The following PIK3CB variants were observed in gnomAD, a reference collection of about 807,000 sequenced individuals.
PIK3CB encodes phosphatidylinositol-4,5-bisphosphate 3-kinase catalytic subunit beta.
PIK3CB carries 39 observed loss-of-function variants against 136.8 expected under a neutral mutation model. That is an observed-to-expected ratio of 0.29 (90% CI 0.22 to 0.37). The LOEUF is 0.37. Ranked by LOEUF, PIK3CB falls within the 10% of genes least tolerant of loss-of-function variation. PIK3CB has a pLI of 1.00. For missense variants in PIK3CB, 868 were observed against 1,275.4 expected, an observed-to-expected ratio of 0.68 and a Z score of 4.87; for synonymous variants, 428 against 436.6, an observed-to-expected ratio of 0.98 and a Z score of 0.25.
chr3:138,805,031 A>T lies in PIK3CB; in HGVS notation c.-121-8464T>A, dbSNP rs568594371. Among the ~76,000 whole-genome samples the T allele has an allele frequency of 2.0e-5, 3 of 150,212 alleles. No homozygotes were observed. In the South Asian group the frequency reaches 6.4e-4, roughly 32 times the overall value. ...CACAGCGAGACTCCATCTCAAAAAA[A>T]GAAAAAAAACCCTCAGTATTTGGCC... is the stretch of plus-strand genomic sequence containing the variant. On this transcript the variant is annotated intron_variant, in intron 1 of 23. Coordinates refer to ENST00000674063, the MANE Select transcript of PIK3CB (RefSeq NM_006219.3).
intron 8 of PIK3CB, among the ~76,000 whole-genome samples, chr3:138,729,381 G>A (rs962637454): frequency 6.6e-6 from 1 of 152,132 alleles, no homozygotes; most frequent in Non-Finnish European, 1.5e-5. Context: ...TTTTCTGGGT[G>A]TTACTAATGA....
At chr3:138,780,446 T>G (rs982015676) in intron 2 of PIK3CB, among the ~76,000 whole-genome samples, 11 of 151,912 alleles carry the variant, frequency 7.2e-5, no homozygotes, top group African/African-American at 2.4e-4. Context: ...AATTTTTGTA[T>G]TTTTAGTACA....
intron 8 of PIK3CB, among the ~76,000 whole-genome samples, chr3:138,719,373 G>A (rs1027017714): frequency 1.3e-5 from 2 of 149,796 alleles, no homozygotes; most frequent in Non-Finnish European, 3.0e-5. Flanking sequence ...AGCCTCCCAA[G>A]TAGCTGGGAT....
intron 2 of PIK3CB, among the ~76,000 whole-genome samples, chr3:138,781,773 A>G (rs906742999): frequency 2.0e-5 from 3 of 152,102 alleles, no homozygotes; most frequent in African/African-American, 7.2e-5. Flanking sequence ...TTTTTTAATT[A>G]GCCAGGTGAG....
At chr3:138,693,940 T>A (rs868204372) in intron 14 of PIK3CB, among the ~76,000 whole-genome samples, 462 of 29,608 alleles carry the variant, frequency 0.016, 9 homozygotes, top group African/African-American at 0.087. Context: ...GCTTAAAATA[T>A]ATATATATAT....
In PIK3CB at chr3:138,707,255, A is replaced by G. The variant is rs533004036; in HGVS notation, c.1434T>C (p.Thr478=). The part of the protein sequence containing the change: ...ELEEMLNPMG[T]VQTNPYTENA... Reference sequence around the variant, plus strand: ...TTTCAGTATATGGATTTGTTTGAACAGTTCCCATTGGATTCAACATTTCTT... The same window carrying G: ...TTTCAGTATATGGATTTGTTTGAACGGTTCCCATTGGATTCAACATTTCTT... Residue 478 remains threonine, a synonymous_variant, in exon 11 of 24, where the codon ACT becomes ACC. Transcript: ENST00000674063. 7 of 1,610,110 alleles carry G rather than the reference A, an allele frequency of 4.3e-6. No homozygotes were observed. Among genetic ancestry groups the G allele is most frequent in the South Asian group, 1.1e-5 (1 of 90,210 alleles).
chr3:138,830,903 AAATAATAATAATAATAAT>A lies in PIK3CB; in HGVS notation c.-122+3774_-122+3791del, dbSNP rs373908245. On this transcript the variant is annotated intron_variant, in intron 1 of 23. Coordinates refer to ENST00000674063, the MANE Select transcript of PIK3CB (RefSeq NM_006219.3). Reference sequence around the variant, plus strand: ...GGCAACAGAGCGAAACTCCGTCTCAAAATAATAATAATAATAATAATAATAATAATAATAATAATAATA... The same window carrying A: ...GGCAACAGAGCGAAACTCCGTCTCAAAATAATAATAATAATAATAATAATA... Among the ~76,000 whole-genome samples the A allele has an allele frequency of 8.2e-3, 1,120 of 136,970 alleles. 20 individuals carry two copies. The highest frequency in any genetic ancestry group is 0.027 in the African/African-American group (995 of 37,496). The allele number at this position is 136,970 out of a possible 152,430, so 89.9% of individuals were successfully genotyped here.
intron 1 of PIK3CB, among the ~76,000 whole-genome samples, chr3:138,829,424 G>C (rs1367569049): frequency 6.6e-6 from 1 of 152,122 alleles, no homozygotes; most frequent in Non-Finnish European, 1.5e-5. Context: ...AGTTAGGAAG[G>C]TACTACCCAG....
chr3:138,665,227 G>A (rs778952228), intron 19 of PIK3CB, 24 bp from the exon 20 acceptor site: 3 of 1,514,898 alleles, frequency 2.0e-6, no homozygotes, highest in Non-Finnish European at 2.7e-6. Context: ...AATGGGCATA[G>A]AGTCATATTT....
intron 1 of PIK3CB, among the ~76,000 whole-genome samples, chr3:138,824,209 C>T (rs1468431920): frequency 6.6e-6 from 1 of 152,136 alleles, no homozygotes; most frequent in Non-Finnish European, 1.5e-5. Context: ...ATAATCCTCC[C>T]CCTGCAGGCA....
intron 10 of PIK3CB, among the ~76,000 whole-genome samples, chr3:138,708,598 T>C (rs1444201933): frequency 6.6e-6 from 1 of 151,508 alleles, no homozygotes; most frequent in African/African-American, 2.4e-5. Context: ...CAACTCTTTT[T>C]TTTTTTTTTT....
intron 4 of PIK3CB, among the ~76,000 whole-genome samples, chr3:138,755,001 G>C (rs2108717805): frequency 6.6e-6 from 1 of 152,286 alleles, no homozygotes; most frequent in Non-Finnish European, 1.5e-5. Flanking sequence ...TATAGCAAGA[G>C]AGACTCCTCC....
At chr3:138,800,486 C>CTT (rs879921427) in intron 1 of PIK3CB, among the ~76,000 whole-genome samples, 1 of 144,156 alleles carries the variant, frequency 6.9e-6, no homozygotes, top group Non-Finnish European at 1.5e-5. Context: ...CCACACCCGA[C>CTT]TTTTTTTTTT....
Position 138,825,789 on chromosome 3 carries a change from A to C in PIK3CB, c.-122+8906T>G, listed in dbSNP as rs544067596. The C allele has an allele frequency of 4.5e-6, 4 of 880,776 alleles. No homozygotes were observed. The East Asian group carries it at 7.3e-5, about 16-fold the overall frequency. 54.6% of individuals were successfully genotyped at this position (880,776 alleles called of 1,614,324 possible). On this transcript the variant is annotated intron_variant, in intron 1 of 23. Transcript: ENST00000674063. ...CCGGAATGGTGGTCACCTTTGCTCC[A>C]GTCAATGTTACAACTGAAGCAGTCT...
chr3:138,691,452 A>G (rs1304310235), intron 14 of PIK3CB, among the ~76,000 whole-genome samples: 4 of 152,128 alleles, frequency 2.6e-5, no homozygotes, highest in Admixed American at 2.0e-4. Flanking sequence ...AATCCCTATA[A>G]TTCCCACATG....
chr3:138,768,066 C>G (rs1454448293), intron 2 of PIK3CB, among the ~76,000 whole-genome samples: 1 of 152,230 alleles, frequency 6.6e-6, no homozygotes, highest in Non-Finnish European at 1.5e-5. Flanking sequence ...GTGACAACAG[C>G]TAAGAGGAGG....
chr3:138,664,104 C>T (rs2043356869), intron 20 of PIK3CB, 75 bp from the exon 21 acceptor site: 9 of 1,513,944 alleles, frequency 5.9e-6, no homozygotes, highest in East Asian at 2.3e-5. Flanking sequence ...CAAACCATAC[C>T]TCTGTTTCCT....
At chr3:138,694,017 C>T (rs566564704) in intron 14 of PIK3CB, among the ~76,000 whole-genome samples, 31 of 124,544 alleles carry the variant, frequency 2.5e-4, no homozygotes, top group African/African-American at 8.3e-4. Flanking sequence ...CAAAAATTAA[C>T]ATTTCTTAAT....
intron 8 of PIK3CB, among the ~76,000 whole-genome samples, chr3:138,730,070 A>G (rs1262496492): frequency 1.3e-5 from 2 of 152,314 alleles, no homozygotes; most frequent in East Asian, 3.9e-4. Flanking sequence ...AAATCATGTC[A>G]TAATTACATT....
Sources: allele counts gnomAD v4.1 joint callset (sites outside exome capture counted in the v4.1 genomes callset), GRCh38; gene constraint gnomAD v4.1.1; transcripts MANE v1.5; gene names NCBI Gene and HGNC (gene_info 2026-07-23, HGNC 2026-07-21).